The following LPAR3 variants were observed in gnomAD, a reference collection of about 807,000 sequenced individuals.
The protein encoded by LPAR3 is lysophosphatidic acid receptor 3.
Under a neutral mutation model 17.8 loss-of-function variants are expected in LPAR3, and 7 were observed. That is an observed-to-expected ratio of 0.39 (90% CI 0.22 to 0.74). LPAR3 has a LOEUF of 0.74. Among genes scored for constraint, LPAR3 ranks in the 30% least tolerant of loss-of-function variants. The pLI, the probability that LPAR3 is intolerant of heterozygous loss-of-function variation, is 0.40. For missense variants in LPAR3, 391 were observed against 453.4 expected, an observed-to-expected ratio of 0.86 and a Z score of 1.25; for synonymous variants, 179 against 179.9, an observed-to-expected ratio of 0.99 and a Z score of 0.04.
chr1:84,879,309 C>CTTT (rs1199196149), intron 1 of LPAR3, among the ~76,000 whole-genome samples: 6 of 73,500 alleles, frequency 8.2e-5, no homozygotes, highest in African/African-American at 3.3e-4. Flanking sequence ...CTTTTCTTTT[C>CTTT]TTTTTTCTTT....
At chr1:84,855,209 A>G (rs1177393797) in intron 2 of LPAR3, among the ~76,000 whole-genome samples, 1 of 152,258 alleles carries the variant, frequency 6.6e-6, no homozygotes, top group Non-Finnish European at 1.5e-5. Flanking sequence ...CAATGAACAT[A>G]GTAGTCCCCA....
chr1:84,885,083 T>C lies in LPAR3; in HGVS notation c.-19+7933A>G, dbSNP rs1241465769. On this transcript the variant is annotated intron_variant, in intron 1 of 2. Coordinates refer to ENST00000370611, the MANE Select transcript of LPAR3 (RefSeq NM_012152.3). ...ATCCTCTCCTCCTCCCAGGGATTCC[T>C]AGCAATATCTGGAGACATCTGCATC... 2.0e-5 allele frequency among the ~76,000 whole-genome samples: 3 copies of C among 152,210 alleles called. No homozygotes were observed. In the East Asian group the frequency reaches 5.8e-4, roughly 29 times the overall value.
intron 1 of LPAR3, 96 bp from the exon 2 acceptor site, chr1:84,866,234 T>A: frequency 1.1e-6 from 1 of 927,550 alleles, no homozygotes; most frequent in East Asian, 2.4e-5. Context: ...CTAACTCCCA[T>A]CAAGGGAGTT....
chr1:84,849,019 G>A (rs1659647251), intron 2 of LPAR3, among the ~76,000 whole-genome samples: 1 of 152,154 alleles, frequency 6.6e-6, no homozygotes, highest in Admixed American at 6.5e-5. Flanking sequence ...TAGAACCAAG[G>A]AGCTTGGAAC....
chr1:84,881,732 G>A (rs1298640202), intron 1 of LPAR3, among the ~76,000 whole-genome samples: 1 of 152,164 alleles, frequency 6.6e-6, no homozygotes, highest in Non-Finnish European at 1.5e-5. Flanking sequence ...AAAGCAGGGA[G>A]GCAGGATTGG....
At chr1:84,871,258 G>C (rs1299408181) in intron 1 of LPAR3, among the ~76,000 whole-genome samples, 1 of 152,170 alleles carries the variant, frequency 6.6e-6, no homozygotes, top group African/African-American at 2.4e-5. Flanking sequence ...TGATGGTTTA[G>C]AAAGTCTATA....
chr1:84,813,146 T>TAGAGAGAG lies in LPAR3; in HGVS notation c.*699_*700insCTCTCTCT, dbSNP rs376924915. Reference sequence around the variant, plus strand: ...ACAGGAATATATATATATATATATATATATATATATATAGACACACACACA... The same window carrying TAGAGAGAG: ...ACAGGAATATATATATATATATATATAGAGAGAGATATATATATATAGACACACACACA... On this transcript the variant is annotated 3_prime_UTR_variant, in exon 3 of 3. Coordinates refer to ENST00000370611, the MANE Select transcript of LPAR3 (RefSeq NM_012152.3). The TAGAGAGAG allele has an allele frequency of 1.8e-5, 2 of 109,138 alleles. No individual in the cohort carries two copies. Among genetic ancestry groups the TAGAGAGAG allele is most frequent in the Non-Finnish European group, 3.8e-5 (2 of 53,330 alleles). 6.8% of individuals were successfully genotyped at this position (109,138 alleles called of 1,614,324 possible).
rs189275260 is a variant in LPAR3 at position 84,815,875 on chromosome 1, G to A, written c.737-1704C>T. 1.3e-5 allele frequency among the ~76,000 whole-genome samples: 2 copies of A among 152,248 alleles called. 1 individual carries two copies. Among genetic ancestry groups the A allele is most frequent in the Admixed American group, 1.3e-4 (2 of 15,296 alleles). ...GTTGAATTCCTTATTTCATAATTAC[G>A]GTTCAGCAGTGGTTCCCTTTTTTCT... On this transcript the variant is annotated intron_variant, in intron 2 of 2. Coordinates refer to ENST00000370611, the MANE Select transcript of LPAR3 (RefSeq NM_012152.3).
chr1:84,842,884 A>C (rs1321257490), intron 2 of LPAR3, among the ~76,000 whole-genome samples: 1 of 152,186 alleles, frequency 6.6e-6, no homozygotes, highest in East Asian at 1.9e-4. Flanking sequence ...AGAGCAAAGA[A>C]GAAAAAAAAA....
At chr1:84,823,249 A>C (rs1659091364) in intron 2 of LPAR3, among the ~76,000 whole-genome samples, 2 of 152,238 alleles carry the variant, frequency 1.3e-5, no homozygotes, top group Admixed American at 1.3e-4. Flanking sequence ...TGCTCTTACG[A>C]CATTAAAGAA....
At chr1:84,861,218 A>C (rs1296315424) in intron 2 of LPAR3, among the ~76,000 whole-genome samples, 1 of 152,184 alleles carries the variant, frequency 6.6e-6, no homozygotes, top group Non-Finnish European at 1.5e-5. Flanking sequence ...AGCACTGTTG[A>C]TTTTTCTAAT....
chr1:84,887,045 T>C (rs1660474172), intron 1 of LPAR3, among the ~76,000 whole-genome samples: 1 of 152,052 alleles, frequency 6.6e-6, no homozygotes, highest in Admixed American at 6.6e-5. Context: ...AACTAACAAA[T>C]GTAGAAAGAG....
Position 84,813,831 on chromosome 1 carries a change from A to G in LPAR3, c.*15T>C, listed in dbSNP as rs759215372. The G allele has an allele frequency of 6.2e-7, 1 of 1,605,050 alleles. No homozygotes were observed. The highest frequency in any genetic ancestry group is 1.7e-5 in the Admixed American group (1 of 59,870). On this transcript the variant is annotated 3_prime_UTR_variant, in exon 3 of 3. Transcript: ENST00000370611. The stretch of plus-strand genomic sequence containing the variant: ...TCCCAGAGGAGGCCTGGGTGGGCCG[A>G]GAGGCATCCAGAGTTTAGGAAGTGC...
chr1:84,837,565 T>C (rs1659430505), intron 2 of LPAR3, among the ~76,000 whole-genome samples: 1 of 152,332 alleles, frequency 6.6e-6, no homozygotes, highest in Admixed American at 6.5e-5. Flanking sequence ...AAGTTTCTCA[T>C]TATAAAACAT....
intron 2 of LPAR3, among the ~76,000 whole-genome samples, chr1:84,862,088 T>TA (rs1659951007): frequency 6.6e-6 from 1 of 152,200 alleles, no homozygotes; most frequent in Non-Finnish European, 1.5e-5. Context: ...GTTTTCTTTT[T>TA]AAGCAGGCGG....
chr1:84,876,336 T>C (rs1344103319), intron 1 of LPAR3, among the ~76,000 whole-genome samples: 1 of 152,156 alleles, frequency 6.6e-6, no homozygotes, highest in Non-Finnish European at 1.5e-5. Flanking sequence ...CCCTGTATCC[T>C]ACAGGGCTGG....
At chr1:84,850,822 C>T (rs948538828) in intron 2 of LPAR3, among the ~76,000 whole-genome samples, 2 of 152,208 alleles carry the variant, frequency 1.3e-5, no homozygotes, top group Non-Finnish European at 2.9e-5. Flanking sequence ...ATGGCTGATG[C>T]GCAGAGTTAG....
chr1:84,830,987 T>A (rs1659272596), intron 2 of LPAR3, among the ~76,000 whole-genome samples: 1 of 152,192 alleles, frequency 6.6e-6, no homozygotes, highest in South Asian at 2.1e-4. Flanking sequence ...CACTGATACA[T>A]GTGGCTCATA....
chr1:84,875,364 T>C lies in LPAR3; in HGVS notation c.-18-9226A>G, dbSNP rs374003821. On this transcript the variant is annotated intron_variant, in intron 1 of 2. Coordinates refer to ENST00000370611, the MANE Select transcript of LPAR3 (RefSeq NM_012152.3). ...AATTATGCCCCCCAGAGTTCATGTG[T>C]TGGAAACTTAATCCCCAGTGCAGCA... is the stretch of plus-strand genomic sequence containing the variant. 1.8e-4 allele frequency among the ~76,000 whole-genome samples: 27 copies of C among 152,224 alleles called. 2 individuals carry two copies. Among genetic ancestry groups the C allele is most frequent in the Admixed American group, 1.2e-3 (18 of 15,276 alleles).
Sources: allele counts gnomAD v4.1 joint callset (sites outside exome capture counted in the v4.1 genomes callset), GRCh38; gene constraint gnomAD v4.1.1; transcripts MANE v1.5; gene names NCBI Gene and HGNC (gene_info 2026-07-23, HGNC 2026-07-21).